Variants in PDS5B observed in about 807,000 individuals in gnomAD.
The protein encoded by PDS5B is PDS5 cohesin associated factor B.
A neutral mutation model predicts 184.1 loss-of-function variants in PDS5B; 51 were observed. The observed-to-expected ratio is 0.28, with a 90% confidence interval of 0.22 to 0.35. The LOEUF is 0.35. Ranked by LOEUF, PDS5B falls within the 10% of genes least tolerant of loss-of-function variation. PDS5B has a pLI of 1.00. For synonymous variants in PDS5B, 566 were observed against 569.2 expected (o/e 0.99, Z 0.08); for missense variants, 1,180 against 1,723.3 (o/e 0.68, Z 5.58).
chr13:32,615,151 TTGTC>T (rs1216533679), intron 1 of PDS5B, among the ~76,000 whole-genome samples: 1 of 152,232 alleles, frequency 6.6e-6, no homozygotes, highest in African/African-American at 2.4e-5. Context: ...ATAGCATGTT[TTGTC>T]TATTTTATAA....
intron 1 of PDS5B, among the ~76,000 whole-genome samples, chr13:32,636,038 G>A (rs999080433): frequency 1.3e-5 from 2 of 152,030 alleles, no homozygotes; most frequent in African/African-American, 2.4e-5. Flanking sequence ...CAAAGTGCTG[G>A]GATTACAGGC....
At chr13:32,678,206 C>T (rs1566316040) in intron 9 of PDS5B, among the ~76,000 whole-genome samples, 1 of 152,104 alleles carries the variant, frequency 6.6e-6, no homozygotes, top group African/African-American at 2.4e-5. Flanking sequence ...GGAGGGAAAA[C>T]AAAAGATTTG....
intron 25 of PDS5B, among the ~76,000 whole-genome samples, chr13:32,753,814 C>CAT (rs1405601917): frequency 6.6e-6 from 1 of 152,040 alleles, no homozygotes; most frequent in African/African-American, 2.4e-5. Flanking sequence ...AAAATTTGTA[C>CAT]ATTTATATAG....
At chr13:32,682,637 CAG>C (rs1323034922) in intron 10 of PDS5B, among the ~76,000 whole-genome samples, 1 of 152,090 alleles carries the variant, frequency 6.6e-6, no homozygotes, top group African/African-American at 2.4e-5. Flanking sequence ...TTTTTGAAAA[CAG>C]TAATTAAATT....
At chr13:32,689,453 T>C (rs1429412205) in intron 13 of PDS5B, 1 of 152,184 alleles carries the variant, frequency 6.6e-6, no homozygotes, top group Non-Finnish European at 1.5e-5. Flanking sequence ...ATTTGTATTA[T>C]GTATAACTGC....
intron 31 of PDS5B, among the ~76,000 whole-genome samples, chr13:32,765,251 A>G (rs1954547226): frequency 6.6e-6 from 1 of 152,200 alleles, no homozygotes; most frequent in Admixed American, 6.5e-5. Flanking sequence ...CTTAATAACT[A>G]ATTAGGCTAT....
chr13:32,602,560 T>C (rs1160812749), intron 1 of PDS5B, among the ~76,000 whole-genome samples: 1 of 152,236 alleles, frequency 6.6e-6, no homozygotes, highest in Non-Finnish European at 1.5e-5. Flanking sequence ...TAAACATACA[T>C]GTGCATGTGT....
chr13:32,607,999 T>G (rs1032942687), intron 1 of PDS5B, among the ~76,000 whole-genome samples: 2 of 152,164 alleles, frequency 1.3e-5, no homozygotes, highest in African/African-American at 4.8e-5. Flanking sequence ...CCCCAACGCC[T>G]TGCGCTTCCC....
At chr13:32,664,576 A>C (rs1038226357) in intron 6 of PDS5B, among the ~76,000 whole-genome samples, 3 of 152,198 alleles carry the variant, frequency 2.0e-5, no homozygotes, top group Non-Finnish European at 4.4e-5. Context: ...CAAAAATAGA[A>C]ACCGAGGCCA....
chr13:32,614,085 G>C (rs890612618), intron 1 of PDS5B, among the ~76,000 whole-genome samples: 2 of 152,104 alleles, frequency 1.3e-5, no homozygotes, highest in Non-Finnish European at 2.9e-5. Flanking sequence ...TGTTCCATTG[G>C]TGTATATCTC....
intron 30 of PDS5B, among the ~76,000 whole-genome samples, chr13:32,761,575 T>C (rs1024026032): frequency 4.6e-5 from 7 of 152,210 alleles, no homozygotes; most frequent in African/African-American, 1.7e-4. Flanking sequence ...CAGTATTTGG[T>C]TTGCTGTTCC....
rs537868535 is a variant in PDS5B, at chr13:32,750,067, CAT to C, written c.2737-3264_2737-3263del. On this transcript the variant is annotated intron_variant, in intron 24 of 34. Coordinates refer to ENST00000315596, the MANE Select transcript of PDS5B (RefSeq NM_015032.4). ...AGCGCTTTTTATACTTATTTATTCA[CAT>C]GATTCTCTTGAAGTACCTATGTGTG... Among the ~76,000 whole-genome samples the C allele has an allele frequency of 9.3e-4, 142 of 152,312 alleles. 2 individuals are homozygous for C. Among genetic ancestry groups the C allele is most frequent in the African/African-American group, 3.2e-3 (134 of 41,574 alleles).
intron 1 of PDS5B, among the ~76,000 whole-genome samples, chr13:32,624,078 A>T (rs1593279216): frequency 6.6e-6 from 1 of 152,108 alleles, no homozygotes; most frequent in East Asian, 1.9e-4. Context: ...TGCCTTGTAT[A>T]CTTAATTCCT....
At chr13:32,745,867 A>ATT in intron 23 of PDS5B, 110 bp from the exon 24 acceptor site, 1 of 847,472 alleles carries the variant, frequency 1.2e-6, no homozygotes, top group Non-Finnish European at 1.8e-6. Flanking sequence ...AGATCACAGC[A>ATT]TTTTTTTTTA....
chr13:32,589,470 T>TA lies in PDS5B; in HGVS notation c.-20+2878dup, dbSNP rs150575270. On this transcript the variant is annotated intron_variant, in intron 1 of 34. Coordinates refer to ENST00000315596, the MANE Select transcript of PDS5B (RefSeq NM_015032.4). ...AGTCCATTTAGGTTGTCTCAGAAGA[T>TA]AGCCTCTTGTAGGTCTCTGTCTCCG... 5.4e-3 allele frequency among the ~76,000 whole-genome samples: 826 copies of TA among 152,320 alleles called. 5 individuals carry two copies. The highest frequency in any genetic ancestry group is 0.017 in the South Asian group (84 of 4,820).
chr13:32,631,691 G>A (rs2058458243), intron 1 of PDS5B, among the ~76,000 whole-genome samples: 1 of 152,140 alleles, frequency 6.6e-6, no homozygotes, highest in Non-Finnish European at 1.5e-5. Context: ...AAAATTAGGA[G>A]TTCTTACCTA....
At chr13:32,770,043 G>C in intron 31 of PDS5B, 78 bp from the exon 32 acceptor site, 1 of 1,291,030 alleles carries the variant, frequency 7.7e-7, no homozygotes, top group Non-Finnish European at 1.1e-6. Context: ...TTAGATAACA[G>C]ATTTTTTTGT....
chr13:32,676,893 T>C (rs1951079557), intron 9 of PDS5B, among the ~76,000 whole-genome samples: 1 of 128,960 alleles, frequency 7.8e-6, no homozygotes, highest in Non-Finnish European at 1.5e-5. Context: ...ATGGCACCAC[T>C]GCATTCCAGC....
chr13:32,697,022 T>C (rs922098811), intron 15 of PDS5B, 120 bp downstream of exon 15: 2 of 584,056 alleles, frequency 3.4e-6, no homozygotes, highest in African/African-American at 1.9e-5. Context: ...AAATTTTCTT[T>C]AGTGTCTTAC....
Sources: gnomAD v4.1 joint callset for allele counts (sites outside exome capture counted in the v4.1 genomes callset) on GRCh38, gnomAD v4.1.1 for gene constraint, MANE v1.5 for transcripts, NCBI Gene and HGNC (gene_info 2026-07-23, HGNC 2026-07-21) for gene names.